SVOPL: variants seen among roughly 807,000 people sequenced by gnomAD.
SVOPL encodes the protein SVOP like, also known as putative transporter SVOPL.
Under a neutral mutation model 61.0 loss-of-function variants are expected in SVOPL, and 60 were observed. The observed-to-expected ratio is 0.98, with a 90% confidence interval of 0.80 to 1.22. SVOPL has a LOEUF of 1.22. Ranked by LOEUF, SVOPL falls within the 50% of genes most tolerant of loss-of-function variation. The pLI is 0.00. For synonymous variants in SVOPL, 279 were observed against 250.0 expected (o/e 1.12, Z -1.09); for missense variants, 662 against 643.9 (o/e 1.03, Z -0.30).
intron 8 of SVOPL, among the ~76,000 whole-genome samples, chr7:138,645,063 C>T (rs1478446801): frequency 6.6e-6 from 1 of 152,142 alleles, no homozygotes; most frequent in Non-Finnish European, 1.5e-5. Context: ...TCCAGGATGA[C>T]GGCAGGCTGA....
Position 138,628,951 on chromosome 7 carries a change from T to C in SVOPL, c.864-588A>G, listed in dbSNP as rs529481968. ...ACTTTGGGAGGCTAAGGCAGGAAGATTGCTTGAGGCCAGGAGTTTGAGACC... is the reference window on the plus strand; with the variant it reads ...ACTTTGGGAGGCTAAGGCAGGAAGACTGCTTGAGGCCAGGAGTTTGAGACC... On this transcript the variant is annotated intron_variant, in intron 10 of 15. Coordinates refer to ENST00000674285, the MANE Select transcript of SVOPL (RefSeq NM_001139456.2). 1.1e-4 allele frequency among the ~76,000 whole-genome samples: 16 copies of C among 152,216 alleles called. No homozygotes were observed. The South Asian group carries it at 1.2e-3, about 12-fold the overall frequency.
Position 138,683,807 on chromosome 7 carries a change from G to A in SVOPL, c.-34-4728C>T, listed in dbSNP as rs534552543. 5.0e-4 allele frequency among the ~76,000 whole-genome samples: 75 copies of A among 151,434 alleles called. No individual in the cohort carries two copies. In the South Asian group the frequency reaches 9.0e-3, roughly 18 times the overall value. On this transcript the variant is annotated intron_variant, in intron 1 of 15. Transcript: ENST00000674285. ...AATGGCTCATGTCTGTAATCCCAGC[G>A]TTTTGTGAGGCTGAGGCGGGCAGAT... is the stretch of plus-strand genomic sequence containing the variant.
At chr7:138,667,229 G>A (rs528190247) in intron 4 of SVOPL, among the ~76,000 whole-genome samples, 1 of 152,280 alleles carries the variant, frequency 6.6e-6, no homozygotes, top group East Asian at 1.9e-4. Context: ...TTGAATAGCT[G>A]TTGCTTTACA....
In SVOPL at chr7:138,628,348, A is replaced by G. The variant is rs746110117; in HGVS notation, c.879T>C (p.Phe293=). Residue 293 remains phenylalanine (F), a synonymous_variant, in exon 11 of 16, where the codon TTT becomes TTC. Coordinates refer to ENST00000674285, the MANE Select transcript of SVOPL (RefSeq NM_001139456.2). ...TGGCCAGGATAACCCCATAGTAGGC[A>G]AAAGAGATTCCAAGCCTGGAAGAGA... ...QIWVIWLGIS[F]AYYGVILASA... 6.2e-7 allele frequency: 1 copy of G among 1,614,132 alleles called. No individual in the cohort carries two copies. The highest frequency in any genetic ancestry group is 8.5e-7 in the Non-Finnish European group (1 of 1,180,038).
chr7:138,635,465 T>C (rs1800426379), intron 9 of SVOPL, among the ~76,000 whole-genome samples: 1 of 151,812 alleles, frequency 6.6e-6, no homozygotes, highest in East Asian at 1.9e-4. Flanking sequence ...CTCGAACTCC[T>C]GGTCTCAAGC....
intron 7 of SVOPL, among the ~76,000 whole-genome samples, chr7:138,655,334 T>C (rs912069987): frequency 5.9e-5 from 9 of 152,194 alleles, no homozygotes; most frequent in Non-Finnish European, 1.2e-4. Flanking sequence ...TGAAACCCCA[T>C]CTCTACCAAA....
At chr7:138,690,246 A>G (rs947087915) in intron 1 of SVOPL, among the ~76,000 whole-genome samples, 1 of 152,232 alleles carries the variant, frequency 6.6e-6, no homozygotes, top group African/African-American at 2.4e-5. Flanking sequence ...GCAAACACTC[A>G]TACATGAATG....
At chr7:138,653,420 GTTA>G (rs1801533969) in intron 7 of SVOPL, among the ~76,000 whole-genome samples, 1 of 152,204 alleles carries the variant, frequency 6.6e-6, no homozygotes, top group Non-Finnish European at 1.5e-5. Flanking sequence ...GGCTGAATCT[GTTA>G]TTAGGGGTTA....
In SVOPL at chr7:138,663,096, GC is replaced by G. The variant is rs776020733; in HGVS notation, c.322del (p.Ala108LeufsTer23). The part of the protein sequence containing the change: ...MVFSILFGLL[A>X]DRYGRWKILL... ...TACCTTCCAGCGGCCATATCTGTCAGCCAGGAGGCCAAAGAGGATACTGAAA... is the reference window on the plus strand; with the variant it reads ...TACCTTCCAGCGGCCATATCTGTCAGCAGGAGGCCAAAGAGGATACTGAAA... On this transcript the variant is annotated frameshift_variant, in exon 5 of 16. Coordinates refer to ENST00000674285, the MANE Select transcript of SVOPL (RefSeq NM_001139456.2). LOFTEE classifies it high-confidence loss of function. The G allele has an allele frequency of 1.2e-6, 2 of 1,614,150 alleles. No homozygotes were observed. The highest frequency in any genetic ancestry group is 1.7e-6 in the Non-Finnish European group (2 of 1,180,032).
At chr7:138,660,597 T>G in intron 5 of SVOPL, 1 of 985,392 alleles carries the variant, frequency 1.0e-6, no homozygotes, top group Non-Finnish European at 1.2e-6. Flanking sequence ...ACTGTTGCAG[T>G]TTAAGTTGTT....
intron 15 of SVOPL, among the ~76,000 whole-genome samples, chr7:138,595,201 T>C (rs1174166234): frequency 1.3e-5 from 2 of 152,180 alleles, no homozygotes; most frequent in African/African-American, 4.8e-5. Context: ...GGATGCTGTC[T>C]GTATGTGTTG....
chr7:138,673,631 C>A (rs1160531508), intron 3 of SVOPL, among the ~76,000 whole-genome samples: 2 of 152,064 alleles, frequency 1.3e-5, no homozygotes, highest in Non-Finnish European at 2.9e-5. Context: ...GGTGACAGAG[C>A]AAGACCCTGT....
intron 7 of SVOPL, among the ~76,000 whole-genome samples, chr7:138,651,448 C>T (rs550381794): frequency 6.6e-5 from 10 of 152,292 alleles, no homozygotes; most frequent in African/African-American, 1.4e-4. Flanking sequence ...TCCTTTTAAT[C>T]GTGCTTTGCT....
rs141933887 is a variant in SVOPL, at chr7:138,603,081, G to A, written c.1354-6551C>T. On this transcript the variant is annotated intron_variant, in intron 14 of 15. Transcript: ENST00000674285. ...TACACATCCACATATATACAAATAT[G>A]ACTGGAACACACACAGACATGCCCA... is the stretch of plus-strand genomic sequence containing the variant. Among the ~76,000 whole-genome samples the A allele has an allele frequency of 6.9e-4, 105 of 152,094 alleles. No individual in the cohort carries two copies. The East Asian group carries it at 0.019, about 28-fold the overall frequency.
At chr7:138,657,839 C>G (rs566834652) in intron 6 of SVOPL, among the ~76,000 whole-genome samples, 2 of 152,122 alleles carry the variant, frequency 1.3e-5, no homozygotes, top group African/African-American at 4.8e-5. Context: ...CTCCAAGGCA[C>G]CAAGAAGAGA....
At chr7:138,630,538 C>G (rs1019523578) in intron 9 of SVOPL, among the ~76,000 whole-genome samples, 1 of 152,156 alleles carries the variant, frequency 6.6e-6, no homozygotes, top group African/African-American at 2.4e-5. Context: ...AAGAAAACAA[C>G]GGCATAAAGT....
At chr7:138,699,733 G>A (rs1462890493) in intron 1 of SVOPL, among the ~76,000 whole-genome samples, 1 of 152,200 alleles carries the variant, frequency 6.6e-6, no homozygotes, top group African/African-American at 2.4e-5. Flanking sequence ...AGGGGGTGGG[G>A]TGAGGGTGGA....
At chr7:138,674,416 C>T (rs1466001470) in intron 3 of SVOPL, among the ~76,000 whole-genome samples, 1 of 151,948 alleles carries the variant, frequency 6.6e-6, no homozygotes, top group Non-Finnish European at 1.5e-5. Context: ...AAGAATCCTG[C>T]TCATAAAGCA....
At chr7:138,647,320 G>T (rs1801166396) in intron 8 of SVOPL, among the ~76,000 whole-genome samples, 1 of 152,110 alleles carries the variant, frequency 6.6e-6, no homozygotes, top group South Asian at 2.1e-4. Context: ...GGCAGAGGTT[G>T]CGAAGAGCTG....
Sources: gnomAD v4.1 joint callset for allele counts (sites outside exome capture counted in the v4.1 genomes callset) on GRCh38, gnomAD v4.1.1 for gene constraint, MANE v1.5 for transcripts, NCBI Gene and HGNC (gene_info 2026-07-23, HGNC 2026-07-21) for gene names.